AFF3: variants seen among roughly 807,000 people sequenced by gnomAD.
AFF3 encodes the protein AF4/FMR2 family member 3.
A neutral mutation model predicts 129.7 loss-of-function variants in AFF3; 32 were observed. The ratio of observed to expected loss-of-function variants is 0.25; its 90% CI spans 0.19 to 0.33. The LOEUF (loss-of-function observed/expected upper bound fraction) is 0.33. Ranked by LOEUF, AFF3 falls within the 10% of genes least tolerant of loss-of-function variation. The pLI is 1.00. For synonymous variants in AFF3, 644 were observed against 635.4 expected, an observed-to-expected ratio of 1.01 and a Z score of -0.20; for missense variants, 1,373 against 1,592.0, an observed-to-expected ratio of 0.86 and a Z score of 2.34.
chr2:99,790,399 T>A (rs1685113630), intron 8 of AFF3, among the ~76,000 whole-genome samples: 1 of 152,244 alleles, frequency 6.6e-6, no homozygotes, highest in African/African-American at 2.4e-5. Flanking sequence ...TTGAATGAAA[T>A]ACACTACAGA....
At chr2:99,936,159 T>A (rs927975234) in intron 7 of AFF3, among the ~76,000 whole-genome samples, 2 of 152,114 alleles carry the variant, frequency 1.3e-5, no homozygotes, top group African/African-American at 4.8e-5. Flanking sequence ...CAGATTTGGG[T>A]ATTTACGAGC....
intron 7 of AFF3, among the ~76,000 whole-genome samples, chr2:99,973,507 G>A (rs1264695946): frequency 2.0e-5 from 3 of 152,118 alleles, no homozygotes; most frequent in African/African-American, 7.2e-5. Context: ...AGATGGTTAT[G>A]GTTTATTCCG....
Position 100,126,603 on chromosome 2 carries a change from G to C in AFF3, c.-145+2621C>G, listed in dbSNP as rs550921082. Among the ~76,000 whole-genome samples the C allele has an allele frequency of 1.1e-4, 16 of 152,260 alleles. No homozygotes were observed. In the East Asian group the frequency reaches 2.9e-3, roughly 28 times the overall value. ...TCTAAGGCACTTAACTTACTCCCAG[G>C]ATGTTGGTTGCACACCAGGGGAATC... On this transcript the variant is annotated intron_variant, in intron 2 of 24. Coordinates refer to ENST00000672756, the MANE Select transcript of AFF3 (RefSeq NM_001386135.1).
At chr2:99,773,672 G>T (rs1371709555) in intron 8 of AFF3, among the ~76,000 whole-genome samples, 4 of 152,134 alleles carry the variant, frequency 2.6e-5, no homozygotes, top group Non-Finnish European at 5.9e-5. Flanking sequence ...AGCAGTTCTG[G>T]ATCAAAACTG....
intron 2 of AFF3, among the ~76,000 whole-genome samples, chr2:100,128,129 T>A (rs888175986): frequency 6.6e-6 from 1 of 152,120 alleles, no homozygotes; most frequent in Non-Finnish European, 1.5e-5. Flanking sequence ...GCACGAATAA[T>A]CCACCCCTTG....
chr2:99,638,226 A>AT (rs1458966039), intron 13 of AFF3, among the ~76,000 whole-genome samples: 1 of 151,936 alleles, frequency 6.6e-6, no homozygotes, highest in Non-Finnish European at 1.5e-5. Flanking sequence ...CACCCGACTA[A>AT]TTTTTGTATT....
At chr2:100,071,983 A>G (rs1688224028) in intron 4 of AFF3, among the ~76,000 whole-genome samples, 1 of 152,222 alleles carries the variant, frequency 6.6e-6, no homozygotes, top group African/African-American at 2.4e-5. Context: ...TACTAAATAC[A>G]AACAATGAAA....
Position 99,756,444 on chromosome 2 carries a change from C to T in AFF3, c.922-4143G>A, listed in dbSNP as rs79766870. ...AAGGCTCTTAAGTGTAAATGTTTCC[C>T]AAGGACAGACCTGTGGGTGTTCATG... is the stretch of plus-strand genomic sequence containing the variant. On this transcript the variant is annotated intron_variant, in intron 8 of 24. Coordinates refer to ENST00000672756, the MANE Select transcript of AFF3 (RefSeq NM_001386135.1). Among the ~76,000 whole-genome samples, 1,045 of 152,336 alleles carry T rather than the reference C, an allele frequency of 6.9e-3. 10 individuals are homozygous for T. Among genetic ancestry groups the T allele is most frequent in the African/African-American group, 0.024 (1,003 of 41,574 alleles).
At chr2:99,971,902 A>G (rs1040896729) in intron 7 of AFF3, among the ~76,000 whole-genome samples, 2 of 152,224 alleles carry the variant, frequency 1.3e-5, no homozygotes, top group Non-Finnish European at 2.9e-5. Flanking sequence ...ATTTGAACTG[A>G]TGTCCTCTGT....
chr2:99,568,799 C>A (rs1243061409), intron 19 of AFF3, 53 bp downstream of exon 19: 2 of 1,531,046 alleles, frequency 1.3e-6, no homozygotes, highest in Admixed American at 1.7e-5. Flanking sequence ...AGTGATGAAG[C>A]TGCAGTACAC....
intron 8 of AFF3, among the ~76,000 whole-genome samples, chr2:99,756,566 G>A (rs1396824031): frequency 2.0e-5 from 3 of 152,146 alleles, no homozygotes; most frequent in Non-Finnish European, 4.4e-5. Context: ...TGTCCTTGGG[G>A]ATCCAGTTCC....
At chr2:100,123,942 A>C (rs1692082700) in intron 2 of AFF3, among the ~76,000 whole-genome samples, 1 of 151,586 alleles carries the variant, frequency 6.6e-6, no homozygotes, top group African/African-American at 2.4e-5. Flanking sequence ...AGAAGACAAC[A>C]TTAAAAGTGC....
Position 99,998,585 on chromosome 2 carries a change from T to C in AFF3, c.873+8047A>G, listed in dbSNP as rs112660403. On this transcript the variant is annotated intron_variant, in intron 7 of 24. Transcript: ENST00000672756. Reference sequence around the variant, plus strand: ...TTTCTATTTTCTGCTGTTAATCCTTTTGTTACACACATAAGGGGTCAACCG... The same window carrying C: ...TTTCTATTTTCTGCTGTTAATCCTTCTGTTACACACATAAGGGGTCAACCG... Among the ~76,000 whole-genome samples, 287 of 152,318 alleles carry C rather than the reference T, an allele frequency of 1.9e-3. 1 individual carries two copies. Among genetic ancestry groups the C allele is most frequent in the South Asian group, 3.3e-3 (16 of 4,824 alleles).
At chr2:99,890,095 C>G (rs1693434368) in intron 7 of AFF3, among the ~76,000 whole-genome samples, 3 of 152,196 alleles carry the variant, frequency 2.0e-5, no homozygotes, top group Admixed American at 2.0e-4. Flanking sequence ...CCACAGTGTT[C>G]TCCCCCGAGT....
intron 7 of AFF3, among the ~76,000 whole-genome samples, chr2:99,900,858 G>A (rs547396168): frequency 1.3e-5 from 2 of 152,316 alleles, no homozygotes; most frequent in South Asian, 4.1e-4. Flanking sequence ...GATGATCTCC[G>A]CAAAATAGGT....
chr2:100,064,852 GATTC>G (rs1374192922), intron 4 of AFF3, among the ~76,000 whole-genome samples: 5 of 152,210 alleles, frequency 3.3e-5, no homozygotes, highest in Non-Finnish European at 7.3e-5. Flanking sequence ...AAATTCTATA[GATTC>G]ATTATGATTA....
intron 7 of AFF3, among the ~76,000 whole-genome samples, chr2:99,860,544 A>T (rs1200419212): frequency 8.8e-6 from 1 of 114,176 alleles, no homozygotes; most frequent in Non-Finnish European, 1.9e-5. Flanking sequence ...ACAGAGTGAG[A>T]CTCTGTCTCA....
intron 4 of AFF3, among the ~76,000 whole-genome samples, chr2:100,065,693 A>G (rs557458054): frequency 3.2e-4 from 48 of 152,322 alleles, no homozygotes; most frequent in African/African-American, 1.1e-3. Context: ...TTTTGCTGGT[A>G]TCTTATCCAC....
chr2:100,041,384 G>T (rs115182852), intron 4 of AFF3, among the ~76,000 whole-genome samples: 3,161 of 152,278 alleles, frequency 0.021, 119 homozygotes, highest in African/African-American at 0.072. Flanking sequence ...TTTTAATTCT[G>T]GAGTGCTAAG....
Sources: allele counts gnomAD v4.1 joint callset (sites outside exome capture counted in the v4.1 genomes callset), GRCh38; gene constraint gnomAD v4.1.1; transcripts MANE v1.5; gene names NCBI Gene and HGNC (gene_info 2026-07-23, HGNC 2026-07-21).